FBXL7: variants seen among roughly 807,000 people sequenced by gnomAD.
FBXL7 encodes F-box/LRR-repeat protein 7.
In FBXL7, 12 loss-of-function variants were observed where a neutral mutation model predicts 38.3. The observed-to-expected ratio is 0.31, with a 90% confidence interval of 0.20 to 0.51. The LOEUF (loss-of-function observed/expected upper bound fraction) is 0.51. Among genes scored for constraint, FBXL7 ranks in the 20% least tolerant of loss-of-function variants. The probability of loss-of-function intolerance (pLI) is 0.98; values close to 1 mark genes in which losing one functional copy is unlikely to be tolerated. For synonymous variants in FBXL7, 297 were observed against 300.9 expected, an observed-to-expected ratio of 0.99 and a Z score of 0.13; for missense variants, 567 against 676.4, an observed-to-expected ratio of 0.84 and a Z score of 1.79.
At chr5:15,933,792 A>T (rs1742103871) in intron 3 of FBXL7, among the ~76,000 whole-genome samples, 1 of 152,118 alleles carries the variant, frequency 6.6e-6, no homozygotes, top group Non-Finnish European at 1.5e-5. Context: ...CACTTTTGTG[A>T]GGCTGCTGGG....
chr5:15,727,359 G>T (rs144376873), intron 2 of FBXL7, among the ~76,000 whole-genome samples: 3 of 152,142 alleles, frequency 2.0e-5, no homozygotes, highest in African/African-American at 7.2e-5. Flanking sequence ...ACCCTTCAGG[G>T]CCTCCTTGAG....
chr5:15,656,022 A>T (rs1369237432), intron 2 of FBXL7, among the ~76,000 whole-genome samples: 2 of 152,144 alleles, frequency 1.3e-5, no homozygotes, highest in Non-Finnish European at 2.9e-5. Flanking sequence ...CGTGTGTGTA[A>T]TCCATGTTTG....
intron 2 of FBXL7, among the ~76,000 whole-genome samples, chr5:15,648,365 G>A (rs1741604097): frequency 6.6e-6 from 1 of 152,214 alleles, no homozygotes; most frequent in African/African-American, 2.4e-5. Flanking sequence ...GAAAGGGTGT[G>A]TATGAAAACT....
intron 2 of FBXL7, among the ~76,000 whole-genome samples, chr5:15,739,163 C>A (rs1184984378): frequency 1.3e-5 from 2 of 152,172 alleles, no homozygotes. Context: ...CTTCAGCTTC[C>A]TCTGAGGGTT....
At chr5:15,608,507 AG>A (rs1165516726) in intron 1 of FBXL7, among the ~76,000 whole-genome samples, 1 of 152,214 alleles carries the variant, frequency 6.6e-6, no homozygotes, top group Non-Finnish European at 1.5e-5. Flanking sequence ...GCCAGGCTAT[AG>A]TACCAAGTAT....
intron 2 of FBXL7, among the ~76,000 whole-genome samples, chr5:15,825,818 A>C (rs941391263): frequency 2.6e-5 from 4 of 152,222 alleles, no homozygotes; most frequent in Admixed American, 2.0e-4. Context: ...ATAGCATTAG[A>C]ATTCTTTAGA....
At chr5:15,895,336 AT>A (rs1741064164) in intron 2 of FBXL7, among the ~76,000 whole-genome samples, 1 of 152,158 alleles carries the variant, frequency 6.6e-6, no homozygotes, top group Admixed American at 6.5e-5. Context: ...CTATAAAGCT[AT>A]TTAAACTTTT....
intron 2 of FBXL7, among the ~76,000 whole-genome samples, chr5:15,685,873 C>T (rs981431514): frequency 1.3e-5 from 2 of 152,192 alleles, no homozygotes; most frequent in African/African-American, 4.8e-5. Context: ...TGCATTACAA[C>T]TTGGAGTGTC....
intron 2 of FBXL7, among the ~76,000 whole-genome samples, chr5:15,818,743 T>TGA (rs201462691): frequency 5.6e-3 from 222 of 39,542 alleles, no homozygotes; most frequent in African/African-American, 7.4e-3. Flanking sequence ...TGTGTGTGTG[T>TGA]GAGAGAGAGA....
intron 2 of FBXL7, among the ~76,000 whole-genome samples, chr5:15,873,130 C>G (rs1265126124): frequency 1.3e-5 from 2 of 152,154 alleles, no homozygotes; most frequent in Non-Finnish European, 2.9e-5. Flanking sequence ...AAGAAACTCA[C>G]TCAAAACTGC....
intron 2 of FBXL7, among the ~76,000 whole-genome samples, chr5:15,849,747 G>C (rs1739036206): frequency 6.6e-6 from 1 of 152,182 alleles, no homozygotes; most frequent in Admixed American, 6.5e-5. Flanking sequence ...AAATTTTCAT[G>C]TTTGTTTTTA....
At chr5:15,645,873 G>C (rs1016343237) in intron 2 of FBXL7, among the ~76,000 whole-genome samples, 3 of 152,210 alleles carry the variant, frequency 2.0e-5, no homozygotes, top group Non-Finnish European at 2.9e-5. Context: ...CAATGTTGTT[G>C]CCTAGCCTTC....
chr5:15,636,639 T>C, intron 2 of FBXL7, among the ~76,000 whole-genome samples: 1 of 152,090 alleles, frequency 6.6e-6, no homozygotes, highest in Non-Finnish European at 1.5e-5. Flanking sequence ...AATCATATCA[T>C]TTTATGTTTA....
At chr5:15,514,575 G>C (rs946372425) in intron 1 of FBXL7, among the ~76,000 whole-genome samples, 2 of 152,166 alleles carry the variant, frequency 1.3e-5, no homozygotes, top group Admixed American at 1.3e-4. Context: ...GCAAGGCCTT[G>C]GGATACTAAA....
At chr5:15,550,764 CT>C (rs1036909480) in intron 1 of FBXL7, among the ~76,000 whole-genome samples, 1 of 152,222 alleles carries the variant, frequency 6.6e-6, no homozygotes, top group African/African-American at 2.4e-5. Flanking sequence ...CTGAAAATGC[CT>C]TGCTCATTCC....
At chr5:15,752,088 C>T (rs1308580148) in intron 2 of FBXL7, among the ~76,000 whole-genome samples, 1 of 152,144 alleles carries the variant, frequency 6.6e-6, no homozygotes, top group Non-Finnish European at 1.5e-5. Context: ...TTCTAGTGCA[C>T]TGAATTTACA....
At chr5:15,859,573 T>A (rs1195494658) in intron 2 of FBXL7, among the ~76,000 whole-genome samples, 1 of 152,110 alleles carries the variant, frequency 6.6e-6, no homozygotes, top group African/African-American at 2.4e-5. Context: ...AGGAGCAAAG[T>A]CATGTCTCGC....
At chr5:15,781,452 C>G (rs994425073) in intron 2 of FBXL7, among the ~76,000 whole-genome samples, 1 of 150,014 alleles carries the variant, frequency 6.7e-6, no homozygotes, top group African/African-American at 2.5e-5. Flanking sequence ...TGTGTGTGCG[C>G]GCGCGTGTGT....
chr5:15,926,419 C>T (rs1741877933), intron 2 of FBXL7, among the ~76,000 whole-genome samples: 1 of 147,132 alleles, frequency 6.8e-6, no homozygotes, highest in Non-Finnish European at 1.5e-5. Context: ...TATATTGGAT[C>T]TAATAATACA....
Sources: gnomAD v4.1 joint callset for allele counts (sites outside exome capture counted in the v4.1 genomes callset) on GRCh38, gnomAD v4.1.1 for gene constraint, MANE v1.5 for transcripts, NCBI Gene and HGNC (gene_info 2026-07-23, HGNC 2026-07-21) for gene names.